Variants in PLCB1 observed in about 807,000 individuals in gnomAD.
The protein encoded by PLCB1 is phospholipase C beta 1, also known as 1-phosphatidylinositol 4,5-bisphosphate phosphodiesterase beta-1.
Under a neutral mutation model 161.8 loss-of-function variants are expected in PLCB1, and 46 were observed. The ratio of observed to expected loss-of-function variants is 0.28; its 90% CI spans 0.22 to 0.36. The LOEUF is 0.36. PLCB1 is among the 10% of genes least tolerant of loss of function. PLCB1 has a pLI of 1.00. For synonymous variants in PLCB1, 517 were observed against 503.7 expected (o/e 1.03, Z -0.35); for missense variants, 1,016 against 1,472.5 (o/e 0.69, Z 5.07).
intron 3 of PLCB1, among the ~76,000 whole-genome samples, chr20:8,524,709 A>G (rs570254163): frequency 1.3e-5 from 2 of 152,322 alleles, no homozygotes; most frequent in East Asian, 1.9e-4. Flanking sequence ...GGATCCTGAC[A>G]CTTTTCATTG....
At chr20:8,840,504 A>G (rs140933582) in intron 31 of PLCB1, among the ~76,000 whole-genome samples, 1 of 152,200 alleles carries the variant, frequency 6.6e-6, no homozygotes, top group South Asian at 2.1e-4. Flanking sequence ...GTCTTGCAGG[A>G]TGCCTGGCAA....
intron 2 of PLCB1, among the ~76,000 whole-genome samples, chr20:8,322,378 A>G (rs1157444492): frequency 6.6e-6 from 1 of 152,154 alleles, no homozygotes; most frequent in Non-Finnish European, 1.5e-5. Flanking sequence ...ACCCATCCCC[A>G]TGTGTCTTTT....
intron 3 of PLCB1, among the ~76,000 whole-genome samples, chr20:8,498,912 TC>T (rs1983289891): frequency 6.6e-6 from 1 of 152,118 alleles, no homozygotes. Context: ...GTGGTAGGGA[TC>T]CCAAGTACAG....
intron 3 of PLCB1, among the ~76,000 whole-genome samples, chr20:8,601,013 T>A (rs1388905111): frequency 2.6e-5 from 4 of 152,072 alleles, no homozygotes; most frequent in Admixed American, 6.5e-5. Flanking sequence ...CACTCCCTAG[T>A]GAGATGAACC....
chr20:8,570,746 T>G (rs1986481827), intron 3 of PLCB1, among the ~76,000 whole-genome samples: 1 of 152,160 alleles, frequency 6.6e-6, no homozygotes, highest in South Asian at 2.1e-4. Flanking sequence ...AATGAGTTCA[T>G]GATCAGGAAA....
intron 2 of PLCB1, among the ~76,000 whole-genome samples, chr20:8,313,792 T>G (rs1984517446): frequency 6.6e-6 from 1 of 152,212 alleles, no homozygotes; most frequent in African/African-American, 2.4e-5. Context: ...TCTGTTTTTC[T>G]TTTCTATCCA....
At chr20:8,402,304 C>T (rs1181252826) in intron 3 of PLCB1, among the ~76,000 whole-genome samples, 1 of 151,980 alleles carries the variant, frequency 6.6e-6, no homozygotes, top group Non-Finnish European at 1.5e-5. Context: ...TACTTTTATG[C>T]AAGCAGAAAA....
intron 9 of PLCB1, among the ~76,000 whole-genome samples, chr20:8,660,540 G>T (rs1433301440): frequency 1.3e-5 from 2 of 152,046 alleles, no homozygotes; most frequent in Non-Finnish European, 2.9e-5. Context: ...ACAGGCTTCA[G>T]CTGGTATCCA....
intron 1 of PLCB1, among the ~76,000 whole-genome samples, chr20:8,142,389 G>A (rs1305155487): frequency 1.3e-5 from 2 of 152,142 alleles, no homozygotes; most frequent in Non-Finnish European, 2.9e-5. Flanking sequence ...TCTTAAATGG[G>A]ATTTCTCCAT....
chr20:8,684,808 A>T (rs45611036), intron 9 of PLCB1, 124 bp from the exon 10 acceptor site: 11 of 619,608 alleles, frequency 1.8e-5, no homozygotes, highest in Non-Finnish European at 3.1e-5. Flanking sequence ...ACTCTTATTT[A>T]TCCATACTAA....
At chr20:8,765,508 C>T (rs1301953318) in intron 26 of PLCB1, 150 bp downstream of exon 26, 4 of 626,164 alleles carry the variant, frequency 6.4e-6, no homozygotes, top group Non-Finnish European at 8.4e-6. Flanking sequence ...CACCTTAGCC[C>T]AGATTTGCTT....
At chr20:8,859,842 A>G (rs1987195920) in intron 31 of PLCB1, among the ~76,000 whole-genome samples, 1 of 152,156 alleles carries the variant, frequency 6.6e-6, no homozygotes, top group Non-Finnish European at 1.5e-5. Context: ...GGGAAGAAAA[A>G]AAAAAGACAT....
At chr20:8,374,634 G>T (rs1277456533) in intron 3 of PLCB1, among the ~76,000 whole-genome samples, 1 of 152,154 alleles carries the variant, frequency 6.6e-6, no homozygotes, top group Non-Finnish European at 1.5e-5. Context: ...CCTGCAAGAG[G>T]AAAACTAGAC....
intron 3 of PLCB1, among the ~76,000 whole-genome samples, chr20:8,385,619 G>A (rs1203781386): frequency 6.6e-6 from 1 of 152,238 alleles, no homozygotes; most frequent in East Asian, 1.9e-4. Context: ...CACAGCTCTG[G>A]GGTTGGGACC....
chr20:8,555,555 T>C (rs1198882263), intron 3 of PLCB1, among the ~76,000 whole-genome samples: 1 of 152,116 alleles, frequency 6.6e-6, no homozygotes, highest in Admixed American at 6.6e-5. Flanking sequence ...TGGTCTTAAG[T>C]CTTCCCTGGA....
In PLCB1 at chr20:8,267,959, T is replaced by TTTATTATTATTATTATTA. The variant is rs149671843; in HGVS notation, c.178-103415_178-103398dup. Among the ~76,000 whole-genome samples, 436 of 148,714 alleles carry TTTATTATTATTATTATTA rather than the reference T, an allele frequency of 2.9e-3. 4 individuals carry two copies. The highest frequency in any genetic ancestry group is 0.015 in the South Asian group (71 of 4,626). Reference sequence around the variant, plus strand: ...CAATCAGAGGTACTTTCCATCTGTCTTTATTATTATTATTATTATTATTAT... The same window carrying TTTATTATTATTATTATTA: ...CAATCAGAGGTACTTTCCATCTGTCTTTATTATTATTATTATTATTATTATTATTATTATTATTATTAT... On this transcript the variant is annotated intron_variant, in intron 2 of 31. Transcript: ENST00000338037.
chr20:8,185,539 TA>T (rs2051893957), intron 2 of PLCB1, among the ~76,000 whole-genome samples: 1 of 140,762 alleles, frequency 7.1e-6, no homozygotes, highest in East Asian at 2.0e-4. Context: ...TGTAAAGAGA[TA>T]AGATTATATT....
chr20:8,507,714 A>AT (rs1321118607), intron 3 of PLCB1, among the ~76,000 whole-genome samples: 2 of 152,144 alleles, frequency 1.3e-5, no homozygotes, highest in Non-Finnish European at 2.9e-5. Context: ...GCCCAGGGGG[A>AT]TTGGAGAGAG....
intron 23 of PLCB1, among the ~76,000 whole-genome samples, chr20:8,745,155 T>A (rs906852142): frequency 6.6e-6 from 1 of 152,206 alleles, no homozygotes; most frequent in African/African-American, 2.4e-5. Context: ...CTGGCCTCAT[T>A]TTTACAACTC....
Sources: gnomAD v4.1 joint callset for allele counts (sites outside exome capture counted in the v4.1 genomes callset) on GRCh38, gnomAD v4.1.1 for gene constraint, MANE v1.5 for transcripts, NCBI Gene and HGNC (gene_info 2026-07-23, HGNC 2026-07-21) for gene names.